Variants in PLEKHM3 observed in about 807,000 individuals in gnomAD.
The protein encoded by PLEKHM3 is pleckstrin homology domain containing M3.
PLEKHM3 carries 45 observed loss-of-function variants against 81.8 expected under a neutral mutation model. The ratio of observed to expected loss-of-function variants is 0.55; its 90% CI spans 0.43 to 0.71. The LOEUF is 0.71. Among genes scored for constraint, PLEKHM3 ranks in the 30% least tolerant of loss-of-function variants. PLEKHM3 has a pLI of 0.00. For missense variants in PLEKHM3, 788 were observed against 924.3 expected (o/e 0.85, Z 1.91); for synonymous variants, 352 against 356.4 (o/e 0.99, Z 0.14).
At chr2:207,839,280 G>T (rs560686721) in intron 7 of PLEKHM3, among the ~76,000 whole-genome samples, 4 of 151,994 alleles carry the variant, frequency 2.6e-5, no homozygotes, top group Non-Finnish European at 5.9e-5. Flanking sequence ...TAATGTACAT[G>T]AATCTAATGT....
intron 1 of PLEKHM3, among the ~76,000 whole-genome samples, chr2:208,019,937 G>C (rs562577831): frequency 6.6e-6 from 1 of 152,332 alleles, no homozygotes; most frequent in East Asian, 1.9e-4. Flanking sequence ...AGTTGTTCTG[G>C]AAATGTTATA....
At chr2:207,957,559 G>A (rs943923305) in intron 3 of PLEKHM3, among the ~76,000 whole-genome samples, 9 of 152,170 alleles carry the variant, frequency 5.9e-5, no homozygotes, top group African/African-American at 2.2e-4. Context: ...TTAGTTGGGT[G>A]TGGTGGCAGG....
In PLEKHM3 at chr2:207,825,531, C is replaced by T. The variant is rs1195632382; in HGVS notation, c.*2788G>A. On this transcript the variant is annotated 3_prime_UTR_variant, in exon 8 of 8. Coordinates refer to ENST00000427836, the MANE Select transcript of PLEKHM3 (RefSeq NM_001080475.3). ...AGTTTCTAAGCAGTGGAACAATTAC[C>T]TAACAGTGCACCAAGTAATTTGTTA... 6.6e-6 allele frequency: 1 copy of T among 152,200 alleles called. No individual in the cohort carries two copies. The highest frequency in any genetic ancestry group is 1.5e-5 in the Non-Finnish European group (1 of 68,036). 9.4% of individuals were successfully genotyped at this position (152,200 alleles called of 1,614,324 possible).
intron 6 of PLEKHM3, chr2:207,869,748 G>A (rs1258150453): frequency 6.6e-6 from 1 of 152,004 alleles, no homozygotes; most frequent in African/African-American, 2.4e-5. Flanking sequence ...AGAACTCAAG[G>A]AACTGCCAAA....
At chr2:208,021,760 C>G (rs1693139442) in intron 1 of PLEKHM3, among the ~76,000 whole-genome samples, 2 of 152,230 alleles carry the variant, frequency 1.3e-5, no homozygotes, top group Non-Finnish European at 2.9e-5. Flanking sequence ...GTGGCCCTTT[C>G]AGCCCTTATG....
At chr2:207,918,521 CAACAAACAAACAAACAAACAAAA>C (rs796358169) in intron 5 of PLEKHM3, among the ~76,000 whole-genome samples, 2,851 of 151,578 alleles carry the variant, frequency 0.019, 95 homozygotes, top group African/African-American at 0.065. Context: ...GACTCTGTCT[CAACAAACAAACAAACAAACAAAA>C]AACAAACAAA....
intron 6 of PLEKHM3, among the ~76,000 whole-genome samples, chr2:207,867,769 CAATT>C (rs2092509351): frequency 1.3e-5 from 2 of 151,690 alleles, no homozygotes; most frequent in Admixed American, 1.3e-4. Context: ...AAAAATAAAT[CAATT>C]GTCTTTCCTC....
chr2:207,841,295 T>C (rs571228257), intron 7 of PLEKHM3, among the ~76,000 whole-genome samples: 231 of 150,712 alleles, frequency 1.5e-3, no homozygotes, highest in African/African-American at 5.3e-3. Flanking sequence ...TGAAACCCCA[T>C]CTCTACTAAA....
intron 5 of PLEKHM3, among the ~76,000 whole-genome samples, chr2:207,909,039 C>A (rs1329936617): frequency 1.3e-5 from 2 of 152,122 alleles, no homozygotes; most frequent in South Asian, 4.1e-4. Context: ...TTCAGAAAAA[C>A]TGGAGTGGCC....
chr2:207,943,440 G>A (rs1465894807), intron 4 of PLEKHM3, among the ~76,000 whole-genome samples: 1 of 152,182 alleles, frequency 6.6e-6, no homozygotes, highest in Non-Finnish European at 1.5e-5. Context: ...TCAGGTAATT[G>A]AAGTATGTTA....
intron 5 of PLEKHM3, among the ~76,000 whole-genome samples, chr2:207,916,747 CAAAAAAAGAA>C (rs1439582322): frequency 6.7e-6 from 1 of 148,510 alleles, no homozygotes; most frequent in Non-Finnish European, 1.5e-5. Context: ...GACTTCATCT[CAAAAAAAGAA>C]AAAAAAAGAA....
At chr2:207,921,950 A>G (rs1689196250) in intron 5 of PLEKHM3, among the ~76,000 whole-genome samples, 1 of 152,150 alleles carries the variant, frequency 6.6e-6, no homozygotes, top group African/African-American at 2.4e-5. Context: ...AAATAAGGGG[A>G]GCAGATATCC....
At chr2:208,016,670 T>TACACACACACACACAC (rs370576889) in intron 1 of PLEKHM3, among the ~76,000 whole-genome samples, 1,142 of 64,794 alleles carry the variant, frequency 0.018, 61 homozygotes, top group South Asian at 0.032. Context: ...AAAAAAAAAA[T>TACACACACACACACAC]ACACACACAC....
intron 3 of PLEKHM3, among the ~76,000 whole-genome samples, chr2:207,949,129 C>T (rs751285496): frequency 6.6e-6 from 1 of 152,150 alleles, no homozygotes; most frequent in Non-Finnish European, 1.5e-5. Context: ...TTTAATTTTC[C>T]GTAGTGATTC....
Position 207,977,000 on chromosome 2 carries a change from C to G in PLEKHM3, c.1197G>C (p.Glu399Asp). 1 of 1,614,234 alleles carries G rather than the reference C, an allele frequency of 6.2e-7. No individual in the cohort carries two copies. Among genetic ancestry groups the G allele is most frequent in the Non-Finnish European group, 8.5e-7 (1 of 1,180,044 alleles). Reference sequence around the variant, plus strand: ...CCACGTTGTAGCTCAACAGTGGATCCTCGTCTAGCTTGCCAGGCTGAAAAG... The same window carrying G: ...CCACGTTGTAGCTCAACAGTGGATCGTCGTCTAGCTTGCCAGGCTGAAAAG... The part of the protein sequence containing the change: ...LMAFQPGKLD[E>D]DPLLSYNVDV... The change falls in exon 3 of 8, where the codon GAG (glutamate) becomes GAC (aspartate). Residue 399 changes from glutamate (E) to aspartate (D), a missense_variant. Physicochemically the swap from Glu to Asp is conservative, Grantham distance 45. Coordinates refer to ENST00000427836, the MANE Select transcript of PLEKHM3 (RefSeq NM_001080475.3). The surrounding 1 kb of genome is among the most constrained non-coding windows in gnomAD (Gnocchi z 4.1).
chr2:207,929,928 C>T (rs1346880185), intron 5 of PLEKHM3: 2 of 698,414 alleles, frequency 2.9e-6, no homozygotes, highest in East Asian at 2.7e-5. Context: ...CTAATGCATG[C>T]TGCTGGTCAT....
At position 207,888,153 on chromosome 2, in the gene PLEKHM3, T is replaced by C. The variant is rs560129544; in HGVS notation, c.1950+20361A>G. ...TCTCAAGGTGTTCCTTTTCCTGCTG[T>C]TCCTTTTTGATGTCACAATCCTCCA... On this transcript the variant is annotated intron_variant, in intron 6 of 7. Transcript: ENST00000427836. Among the ~76,000 whole-genome samples the C allele has an allele frequency of 2.6e-5, 4 of 152,256 alleles. No individual in the cohort carries two copies. The East Asian group carries it at 7.7e-4, about 29-fold the overall frequency.
chr2:207,961,852 G>A (rs771303768), intron 3 of PLEKHM3, among the ~76,000 whole-genome samples: 2 of 152,170 alleles, frequency 1.3e-5, no homozygotes, highest in African/African-American at 2.4e-5. Context: ...TGGAAATGAG[G>A]GAACAGGGCA....
intron 6 of PLEKHM3, chr2:207,900,851 C>T: frequency 6.1e-6 from 1 of 164,330 alleles, no homozygotes; most frequent in East Asian, 1.7e-4. Flanking sequence ...AAGACCGATG[C>T]TAACCTTACT....
Sources: gnomAD v4.1 joint callset for allele counts (sites outside exome capture counted in the v4.1 genomes callset) on GRCh38, gnomAD v4.1.1 for gene constraint, Gnocchi (gnomAD v3.1) non-coding constraint, MANE v1.5 for transcripts, NCBI Gene and HGNC (gene_info 2026-07-23, HGNC 2026-07-21) for gene names.